Variants in TSHZ3 observed in about 807,000 individuals in gnomAD.
TSHZ3 encodes the protein teashirt homolog 3.
In TSHZ3, 10 loss-of-function variants were observed where a neutral mutation model predicts 64.5. That is an observed-to-expected ratio of 0.16 (90% CI 0.10 to 0.26). The LOEUF (loss-of-function observed/expected upper bound fraction) is 0.26, where lower values mean the gene tolerates loss of function less well. Ranked by LOEUF, TSHZ3 falls within the 10% of genes least tolerant of loss-of-function variation. The probability of loss-of-function intolerance (pLI) is 1.00; values close to 1 mark genes in which losing one functional copy is unlikely to be tolerated. For missense variants in TSHZ3, 1,242 were observed against 1,421.7 expected (o/e 0.87, Z 2.03); for synonymous variants, 608 against 593.1 (o/e 1.03, Z -0.36).
At chr19:31,165,177 T>C (rs1231466804) in intron 5 of TSHZ3, among the ~76,000 whole-genome samples, 5 of 152,216 alleles carry the variant, frequency 3.3e-5, no homozygotes, top group African/African-American at 4.8e-5. Context: ...TAGCGGTTCC[T>C]TTCAGCGTCT....
downstream of TSHZ3, among the ~76,000 whole-genome samples, chr19:31,273,794 A>G (rs1976179461): frequency 6.6e-6 from 1 of 152,182 alleles, no homozygotes. Flanking sequence ...ACAGGCCAGA[A>G]AAGAACCAGG....
chr19:31,180,229 G>C (rs374551418), intron 5 of TSHZ3, among the ~76,000 whole-genome samples: 5 of 152,108 alleles, frequency 3.3e-5, no homozygotes, highest in Admixed American at 2.6e-4. Context: ...TGATTAGTGA[G>C]TGAATGAATG....
At chr19:31,284,213 G>A (rs1976414773) in intron 1 of TSHZ3, among the ~76,000 whole-genome samples, 1 of 151,938 alleles carries the variant, frequency 6.6e-6, no homozygotes, top group African/African-American at 2.4e-5. Context: ...GTGAGTGGGG[G>A]GTCATGTCCA....
At chr19:31,205,158 C>G (rs1203617515) in intron 4 of TSHZ3, among the ~76,000 whole-genome samples, 1 of 152,110 alleles carries the variant, frequency 6.6e-6, no homozygotes, top group East Asian at 1.9e-4. Context: ...CACAATTGCT[C>G]TTTCACAGCT....
intron 1 of TSHZ3, among the ~76,000 whole-genome samples, chr19:31,287,837 G>A (rs1198527495): frequency 6.6e-6 from 1 of 152,170 alleles, no homozygotes; most frequent in African/African-American, 2.4e-5. Flanking sequence ...GATGGACCTA[G>A]GGGAGCCGCT....
chr19:31,155,806 C>T (rs1974299524), intron 6 of TSHZ3, among the ~76,000 whole-genome samples: 2 of 152,302 alleles, frequency 1.3e-5, no homozygotes, highest in South Asian at 2.1e-4. Flanking sequence ...CTCCATTTCC[C>T]TCTAACTTGT....
chr19:31,348,643 C>T (rs569286033), intron 1 of TSHZ3, among the ~76,000 whole-genome samples: 1 of 152,270 alleles, frequency 6.6e-6, no homozygotes, highest in East Asian at 1.9e-4. Context: ...TCTGACAATA[C>T]CCAGACCCTG....
chr19:31,154,427 T>A (rs974114312), intron 6 of TSHZ3, among the ~76,000 whole-genome samples: 9 of 152,148 alleles, frequency 5.9e-5, no homozygotes, highest in Non-Finnish European at 1.2e-4. Flanking sequence ...AGCCAGGACA[T>A]CTGTCCTTCA....
At chr19:31,289,629 C>G (rs1170896452) in intron 1 of TSHZ3, among the ~76,000 whole-genome samples, 1 of 152,140 alleles carries the variant, frequency 6.6e-6, no homozygotes, top group East Asian at 1.9e-4. Context: ...ACTGGAGATC[C>G]CCAGTGCCCC....
At chr19:31,322,497 T>G (rs539700756) in intron 1 of TSHZ3, among the ~76,000 whole-genome samples, 1 of 152,260 alleles carries the variant, frequency 6.6e-6, no homozygotes, top group South Asian at 2.1e-4. Flanking sequence ...CATAGCTTAC[T>G]ATAGGCATGA....
chr19:31,256,073 G>C (rs1975905480), intron 1 of TSHZ3, among the ~76,000 whole-genome samples: 1 of 152,156 alleles, frequency 6.6e-6, no homozygotes, highest in Non-Finnish European at 1.5e-5. Context: ...ATCAACACAA[G>C]CATGCAGCCT....
At chr19:31,323,524 T>C (rs1175274487) in intron 1 of TSHZ3, among the ~76,000 whole-genome samples, 1 of 152,234 alleles carries the variant, frequency 6.6e-6, no homozygotes, top group African/African-American at 2.4e-5. Context: ...TTTATCTTTG[T>C]TGTGGGTTTT....
At chr19:31,282,575 C>T (rs1446356926) in intron 1 of TSHZ3, among the ~76,000 whole-genome samples, 1 of 152,148 alleles carries the variant, frequency 6.6e-6, no homozygotes, top group Non-Finnish European at 1.5e-5. Flanking sequence ...TGCACAAGCA[C>T]CAAACCAGCC....
rs1181173691 is a variant in TSHZ3, at chr19:31,339,279, CA to C, written c.40+9900del. Among the ~76,000 whole-genome samples, 16 of 151,804 alleles carry C rather than the reference CA, an allele frequency of 1.1e-4. No individual in the cohort carries two copies. In the East Asian group the frequency reaches 3.1e-3, roughly 29 times the overall value. The stretch of plus-strand genomic sequence containing the variant: ...GAATGAGAAAGGGGGGAAAAAAAGT[CA>C]GAAGAGTGTCAAAGGCTGAACAGTG... On this transcript the variant is annotated intron_variant, in intron 1 of 1. Transcript: ENST00000240587.
intron 1 of TSHZ3, among the ~76,000 whole-genome samples, chr19:31,337,744 C>CACACACACACACACAT (rs1428931871): frequency 1.8e-4 from 27 of 151,994 alleles, no homozygotes; most frequent in African/African-American, 6.3e-4. Flanking sequence ...CACACACACA[C>CACACACACACACACAT]ACACACACAA....
At chr19:31,319,041 C>CT (rs1267266747) in intron 1 of TSHZ3, among the ~76,000 whole-genome samples, 1 of 152,188 alleles carries the variant, frequency 6.6e-6, no homozygotes, top group Non-Finnish European at 1.5e-5. Flanking sequence ...GAGCCGGAGA[C>CT]CAGGGACCTG....
At chr19:31,179,117 C>A (rs1974659579) in intron 5 of TSHZ3, among the ~76,000 whole-genome samples, 1 of 152,098 alleles carries the variant, frequency 6.6e-6, no homozygotes, top group Admixed American at 6.5e-5. Context: ...GACTGAAGAG[C>A]TTCCTGACAG....
chr19:31,292,701 A>C (rs1042230032), intron 1 of TSHZ3, among the ~76,000 whole-genome samples: 4 of 151,788 alleles, frequency 2.6e-5, no homozygotes, highest in African/African-American at 9.7e-5. Flanking sequence ...CTATCCATCC[A>C]AAAACCTATC....
upstream of TSHZ3, among the ~76,000 whole-genome samples, chr19:31,350,492 A>T (rs2021687522): frequency 6.6e-6 from 1 of 150,558 alleles, no homozygotes; most frequent in South Asian, 2.1e-4. Context: ...GGGCGGGAGA[A>T]GGAAACCGGG....
Sources: allele counts gnomAD v4.1 joint callset (sites outside exome capture counted in the v4.1 genomes callset), GRCh38; gene constraint gnomAD v4.1.1; transcripts MANE v1.5; gene names NCBI Gene and HGNC (gene_info 2026-07-23, HGNC 2026-07-21).